The following BNC2 variants were observed in gnomAD, a reference collection of about 807,000 sequenced individuals.
The protein encoded by BNC2 is zinc finger protein basonuclin-2.
In BNC2, 20 loss-of-function variants were observed where a neutral mutation model predicts 76.3. The observed-to-expected ratio is 0.26, with a 90% CI of 0.18 to 0.38. BNC2 has a LOEUF of 0.38. BNC2 is among the 10% of genes least tolerant of loss of function. The probability of loss-of-function intolerance (pLI) is 1.00; values close to 1 mark genes in which losing one functional copy is unlikely to be tolerated. For missense variants in BNC2, 1,382 were observed against 1,399.8 expected (o/e 0.99, Z 0.20); for synonymous variants, 582 against 514.8 (o/e 1.13, Z -1.77).
At chr9:16,677,255 T>G (rs1289432803) in intron 3 of BNC2, among the ~76,000 whole-genome samples, 1 of 152,050 alleles carries the variant, frequency 6.6e-6, no homozygotes, top group East Asian at 1.9e-4. Flanking sequence ...ATACTATCCA[T>G]CAATTAAAAT....
At chr9:16,531,134 G>C (rs1165696355) in intron 5 of BNC2, among the ~76,000 whole-genome samples, 1 of 152,154 alleles carries the variant, frequency 6.6e-6, no homozygotes, top group African/African-American at 2.4e-5. Flanking sequence ...AATGTTCTAA[G>C]GGAGCCTTTA....
intron 3 of BNC2, among the ~76,000 whole-genome samples, chr9:16,640,104 TAG>T (rs1821449302): frequency 6.7e-6 from 1 of 148,492 alleles, no homozygotes; most frequent in Non-Finnish European, 1.5e-5. Context: ...AAAAAAAAAA[TAG>T]AGACTAGCAA....
chr9:16,639,168 TAATA>T (rs1821414375), intron 3 of BNC2, among the ~76,000 whole-genome samples: 1 of 152,174 alleles, frequency 6.6e-6, no homozygotes, highest in African/African-American at 2.4e-5. Context: ...AAACAGAAGT[TAATA>T]AAGTATTCTT....
At chr9:16,785,623 C>T (rs1198573676) in intron 1 of BNC2, among the ~76,000 whole-genome samples, 2 of 148,172 alleles carry the variant, frequency 1.3e-5, no homozygotes, top group Non-Finnish European at 3.0e-5. Flanking sequence ...GTCTCAAACT[C>T]CTGACCTCAG....
intron 3 of BNC2, among the ~76,000 whole-genome samples, chr9:16,692,169 A>G (rs1823193333): frequency 6.6e-6 from 1 of 152,218 alleles, no homozygotes; most frequent in Non-Finnish European, 1.5e-5. Context: ...GTTTGCAATC[A>G]TTCTTGTAAT....
At chr9:16,856,021 A>G (rs1819246701) in intron 1 of BNC2, among the ~76,000 whole-genome samples, 1 of 152,174 alleles carries the variant, frequency 6.6e-6, no homozygotes, top group South Asian at 2.1e-4. Flanking sequence ...CATACTAGTA[A>G]AACAGTAAGT....
At position 16,419,301 on chromosome 9, in the gene BNC2, C is replaced by T. The variant is rs757433556; in HGVS notation, c.2988G>A (p.Ala996=). 1.2e-5 allele frequency: 19 copies of T among 1,613,978 alleles called. No homozygotes were observed. The East Asian group carries it at 2.7e-4, about 23-fold the overall frequency. The change falls in exon 7 of 7, where the codon GCG becomes GCA. Residue 996 remains alanine (A), a synonymous_variant. Coordinates refer to ENST00000380672, the MANE Select transcript of BNC2 (RefSeq NM_017637.6). ...TGTGTGCCGACTCCCCACTGTCACT[C>T]GCCCCGTCAATGTCATCGAGAAGAA... ...EGILLDDIDG[A]SDSGESAHKA...
chr9:16,683,518 G>A (rs370297733), intron 3 of BNC2, among the ~76,000 whole-genome samples: 8 of 152,266 alleles, frequency 5.3e-5, no homozygotes, highest in African/African-American at 1.7e-4. Context: ...GCAGGAAAAG[G>A]AGATGACTGG....
intron 3 of BNC2, among the ~76,000 whole-genome samples, chr9:16,606,868 T>C (rs1820401787): frequency 6.6e-6 from 1 of 152,218 alleles, no homozygotes; most frequent in African/African-American, 2.4e-5. Context: ...GGCGATCTGA[T>C]GGTTTTTAAA....
chr9:16,696,749 A>C (rs1043927958), intron 3 of BNC2, among the ~76,000 whole-genome samples: 1 of 152,216 alleles, frequency 6.6e-6, no homozygotes, highest in African/African-American at 2.4e-5. Flanking sequence ...GAGTGATTTT[A>C]ACTATTTCAT....
intron 5 of BNC2, among the ~76,000 whole-genome samples, chr9:16,461,278 C>G (rs1821573914): frequency 1.3e-5 from 2 of 152,036 alleles, no homozygotes; most frequent in Non-Finnish European, 2.9e-5. Context: ...TGTGTAAGAA[C>G]AAGAATGTGC....
At chr9:16,788,760 A>G (rs73646256) in intron 1 of BNC2, among the ~76,000 whole-genome samples, 1 of 151,552 alleles carries the variant, frequency 6.6e-6, no homozygotes, top group Non-Finnish European at 1.5e-5. Flanking sequence ...AGAGAAATCA[A>G]CTCCTTCATA....
In BNC2 at chr9:16,790,163, A is replaced by AT. The variant is rs946366242; in HGVS notation, c.4-51679dup. On this transcript the variant is annotated intron_variant, in intron 1 of 6. Coordinates refer to ENST00000380672, the MANE Select transcript of BNC2 (RefSeq NM_017637.6). ...AGGTGCCCGCCACCATGCCTGGCTA[A>AT]TTTTTTTTTATTTTTAGTAGAGACA... 4.6e-5 allele frequency among the ~76,000 whole-genome samples: 7 copies of AT among 151,400 alleles called. No individual in the cohort carries two copies. In the East Asian group the frequency reaches 5.8e-4, roughly 13 times the overall value.
At chr9:16,777,416 A>C (rs1292322105) in intron 1 of BNC2, among the ~76,000 whole-genome samples, 1 of 151,996 alleles carries the variant, frequency 6.6e-6, no homozygotes, top group African/African-American at 2.4e-5. Context: ...AAGAACTGTT[A>C]GGGGCTGGAC....
intron 3 of BNC2, among the ~76,000 whole-genome samples, chr9:16,683,520 G>C (rs998458387): frequency 1.3e-5 from 2 of 152,162 alleles, no homozygotes. Flanking sequence ...AGGAAAAGGA[G>C]ATGACTGGCA....
At chr9:16,863,398 G>A (rs910103138) in intron 1 of BNC2, among the ~76,000 whole-genome samples, 3 of 152,152 alleles carry the variant, frequency 2.0e-5, no homozygotes, top group African/African-American at 7.2e-5. Flanking sequence ...AAGCTTAATA[G>A]AGGTGGCTGG....
At chr9:16,819,876 G>C (rs1818276418) in intron 1 of BNC2, among the ~76,000 whole-genome samples, 1 of 151,636 alleles carries the variant, frequency 6.6e-6, no homozygotes, top group African/African-American at 2.4e-5. Flanking sequence ...TACAATTCCA[G>C]TACTCTGGGA....
At chr9:16,463,843 C>T (rs910643605) in intron 5 of BNC2, among the ~76,000 whole-genome samples, 2 of 151,842 alleles carry the variant, frequency 1.3e-5, no homozygotes, top group Non-Finnish European at 2.9e-5. Flanking sequence ...TGTCTGTAAT[C>T]CCAGCACTTC....
intron 1 of BNC2, among the ~76,000 whole-genome samples, chr9:16,837,564 C>A: frequency 6.6e-6 from 1 of 152,134 alleles, no homozygotes; most frequent in East Asian, 1.9e-4. Flanking sequence ...GGTAGACTGC[C>A]AAGTTCTTCC....
Sources: allele counts gnomAD v4.1 joint callset (sites outside exome capture counted in the v4.1 genomes callset), GRCh38; gene constraint gnomAD v4.1.1; transcripts MANE v1.5; gene names NCBI Gene and HGNC (gene_info 2026-07-23, HGNC 2026-07-21).